Variants in CPNE5 observed in about 807,000 individuals in gnomAD.
CPNE5 encodes copine 5.
CPNE5 carries 42 observed loss-of-function variants against 81.1 expected under a neutral mutation model. The observed-to-expected ratio is 0.52, with a 90% CI of 0.40 to 0.67. The LOEUF (loss-of-function observed/expected upper bound fraction) is 0.67, where lower values mean the gene tolerates loss of function less well. CPNE5 is among the 30% of genes least tolerant of loss of function. CPNE5 has a pLI of 0.00. For synonymous variants in CPNE5, 313 were observed against 321.5 expected, an observed-to-expected ratio of 0.97 and a Z score of 0.28; for missense variants, 612 against 815.5, an observed-to-expected ratio of 0.75 and a Z score of 3.04.
chr6:36,793,518 CT>C (rs1368855650), intron 7 of CPNE5, among the ~76,000 whole-genome samples: 15 of 152,194 alleles, frequency 9.9e-5, no homozygotes, highest in Non-Finnish European at 1.6e-4. Context: ...ATCTGTTCCT[CT>C]CTTTGCCTCT....
At chr6:36,811,973 A>G (rs1222835917) in intron 3 of CPNE5, among the ~76,000 whole-genome samples, 2 of 151,752 alleles carry the variant, frequency 1.3e-5, no homozygotes, top group African/African-American at 4.8e-5. Context: ...GGGTGGTGGC[A>G]TATGCCTGTA....
At chr6:36,760,517 G>A (rs1467450311) in intron 12 of CPNE5, among the ~76,000 whole-genome samples, 4 of 152,140 alleles carry the variant, frequency 2.6e-5, no homozygotes, top group Admixed American at 1.3e-4. Context: ...GCCCCATAAG[G>A]GGGGAGATGA....
At chr6:36,780,665 C>A (rs1455953845) in intron 8 of CPNE5, among the ~76,000 whole-genome samples, 1 of 152,164 alleles carries the variant, frequency 6.6e-6, no homozygotes, top group Non-Finnish European at 1.5e-5. Flanking sequence ...TCTGTCCCTG[C>A]CCCACTCCCA....
intron 13 of CPNE5, chr6:36,754,679 C>CTG (rs904667793): frequency 2.0e-5 from 3 of 152,272 alleles, no homozygotes; most frequent in Non-Finnish European, 1.5e-5. Context: ...CTCCAGCTCA[C>CTG]TGTGTGACCT....
At chr6:36,776,365 C>T (rs1032866858) in intron 9 of CPNE5, among the ~76,000 whole-genome samples, 4 of 152,254 alleles carry the variant, frequency 2.6e-5, no homozygotes, top group Non-Finnish European at 5.9e-5. Flanking sequence ...CTTCTCTGCT[C>T]CTTCTCGCCC....
intron 3 of CPNE5, among the ~76,000 whole-genome samples, chr6:36,802,007 T>C (rs969466985): frequency 2.6e-5 from 4 of 151,668 alleles, no homozygotes; most frequent in Non-Finnish European, 5.9e-5. Context: ...GATCACGAGG[T>C]CAAGAGATCG....
chr6:36,822,918 G>A, intron 2 of CPNE5, 140 bp downstream of exon 2: 1 of 634,638 alleles, frequency 1.6e-6, no homozygotes, highest in Non-Finnish European at 2.5e-6. Context: ...CACTATGGGA[G>A]AAACATTAAA....
chr6:36,808,232 A>G (rs939678561), intron 3 of CPNE5, among the ~76,000 whole-genome samples: 6 of 151,932 alleles, frequency 3.9e-5, no homozygotes, highest in African/African-American at 1.4e-4. Flanking sequence ...CTGGGATTAC[A>G]CGTGCCTGCC....
rs1291526096 is a variant in CPNE5 at position 36,746,674 on chromosome 6, TTTA to T, written c.1019-100_1019-98del. On this transcript the variant is annotated intron_variant, in intron 15 of 20. Transcript: ENST00000244751. The surrounding 1 kb of genome is among the most constrained non-coding windows in gnomAD (Gnocchi z 4.5). ...GGGGTGTCCAAGGGCACCCCTAACTTTTATTAATTCTTGACTCCTCTCTTTCTC... is the reference window on the plus strand; with the variant it reads ...GGGGTGTCCAAGGGCACCCCTAACTTTTAATTCTTGACTCCTCTCTTTCTC... 1 of 1,076,500 alleles carries T rather than the reference TTTA, an allele frequency of 9.3e-7. No individual in the cohort carries two copies. The highest frequency in any genetic ancestry group is 1.3e-6 in the Non-Finnish European group (1 of 742,864). The allele number at this position is 1,076,500 out of a possible 1,614,324, so 66.7% of individuals were successfully genotyped here. A position where few individuals can be genotyped will look rare whatever the true frequency, so the allele number is the denominator to read the frequency against.
At chr6:36,793,728 CG>C (rs1201896191) in intron 7 of CPNE5, among the ~76,000 whole-genome samples, 4 of 152,182 alleles carry the variant, frequency 2.6e-5, no homozygotes, top group Non-Finnish European at 5.9e-5. Flanking sequence ...TGAGCATCCC[CG>C]GGCCCGCCGG....
intron 1 of CPNE5, chr6:36,827,445 G>A (rs1772597348): frequency 2.0e-6 from 2 of 985,288 alleles, no homozygotes; most frequent in Non-Finnish European, 2.4e-6. Context: ...GTCTGGCTGT[G>A]TAGGTCTGAA....
intron 1 of CPNE5, among the ~76,000 whole-genome samples, chr6:36,834,290 A>AGGGG (rs1773247167): frequency 3.9e-5 from 2 of 51,010 alleles, no homozygotes; most frequent in African/African-American, 8.5e-5. Flanking sequence ...GAAGGAAGGG[A>AGGGG]GGGAGGGAGG....
Position 36,798,501 on chromosome 6 carries a change from G to C in CPNE5, c.288-7C>G, listed in dbSNP as rs776991563. 2 of 1,613,986 alleles carry C rather than the reference G, an allele frequency of 1.2e-6. No individual in the cohort carries two copies. Among genetic ancestry groups the C allele is most frequent in the Non-Finnish European group, 1.7e-6 (2 of 1,179,882 alleles). ...CTTAGAGTCAACGTCGTATCTGCAG[G>C]GAACACAGAGAAACGATGAAGGCAG... On this transcript the variant is annotated splice_region_variant and splice_polypyrimidine_tract_variant and intron_variant, in intron 4 of 20. Transcript: ENST00000244751.
At chr6:36,814,170 C>T (rs569390322) in intron 3 of CPNE5, among the ~76,000 whole-genome samples, 5 of 152,194 alleles carry the variant, frequency 3.3e-5, no homozygotes, top group South Asian at 2.1e-4. Context: ...GGTGGCTGAA[C>T]GGCCTACCCC....
chr6:36,794,758 A>T lies in CPNE5; in HGVS notation c.405-109T>A, dbSNP rs1769422724. The T allele has an allele frequency of 5.1e-6, 5 of 974,060 alleles. No individual in the cohort carries two copies. The South Asian group carries it at 7.3e-5, about 14-fold the overall frequency. 60.3% of individuals were successfully genotyped at this position (974,060 alleles called of 1,614,324 possible). ...CTTGGAGACAAGCGGCTGCTCTGGA[A>T]GTCATTAAAACAGGATCAAAGCCAC... On this transcript the variant is annotated intron_variant, in intron 6 of 20. Transcript: ENST00000244751.
chr6:36,823,153 T>A (rs1772209071), intron 1 of CPNE5, 55 bp from the exon 2 acceptor site: 1 of 1,422,100 alleles, frequency 7.0e-7, no homozygotes, highest in African/African-American at 1.4e-5. Context: ...GGAGGCGACC[T>A]CAGGGGATTC....
In CPNE5 at chr6:36,763,086, A is replaced by G. The variant is rs3822968; in HGVS notation, c.780-94T>C. ...CACACATCCGTTTCTTTGGCTCCCAATTCTACCTGGGACTCCACTCCAGGG... is the reference window on the plus strand; with the variant it reads ...CACACATCCGTTTCTTTGGCTCCCAGTTCTACCTGGGACTCCACTCCAGGG... On this transcript the variant is annotated intron_variant, in intron 11 of 20. Transcript: ENST00000244751. 3,051 of 1,124,856 alleles carry G rather than the reference A, an allele frequency of 2.7e-3. 73 individuals are homozygous for G. In the East Asian group the frequency reaches 0.055, roughly 20 times the overall value. The allele number at this position is 1,124,856 out of a possible 1,614,324, so 69.7% of individuals were successfully genotyped here.
chr6:36,784,497 T>C (rs892547501), intron 8 of CPNE5, among the ~76,000 whole-genome samples: 1 of 152,198 alleles, frequency 6.6e-6, no homozygotes, highest in Non-Finnish European at 1.5e-5. Flanking sequence ...AACCCCTTGA[T>C]ATATGTGTGA....
In CPNE5 at chr6:36,745,576, T is replaced by A. The variant is rs1463051100; in HGVS notation, c.1201-61A>T. The A allele has an allele frequency of 3.9e-6, 6 of 1,528,390 alleles. No homozygotes were observed. The Admixed American group carries it at 1.2e-4, about 30-fold the overall frequency. The allele number at this position is 1,528,390 out of a possible 1,614,324, so 94.7% of individuals were successfully genotyped here. A position where few individuals can be genotyped will look rare whatever the true frequency, so the allele number is the denominator to read the frequency against. On this transcript the variant is annotated intron_variant, in intron 16 of 20. Coordinates refer to ENST00000244751, the MANE Select transcript of CPNE5 (RefSeq NM_020939.2). ...AGGAAGGACAGGGGTGCACGATGTG[T>A]GGGAACTGAGTCCAGGTGGGGAGGC...
Sources: allele counts gnomAD v4.1 joint callset (sites outside exome capture counted in the v4.1 genomes callset), GRCh38; gene constraint gnomAD v4.1.1; non-coding constraint Gnocchi (gnomAD v3.1); transcripts MANE v1.5; gene names NCBI Gene and HGNC (gene_info 2026-07-23, HGNC 2026-07-21).